Variants in TAF4B observed in about 807,000 individuals in gnomAD.
TAF4B encodes transcription initiation factor TFIID subunit 4B.
A neutral mutation model predicts 86.4 loss-of-function variants in TAF4B; 38 were observed. The observed-to-expected ratio is 0.44, with a 90% CI of 0.34 to 0.58. The LOEUF (loss-of-function observed/expected upper bound fraction) is 0.58, where lower values mean the gene tolerates loss of function less well. TAF4B is among the 20% of genes least tolerant of loss of function. The probability of loss-of-function intolerance (pLI) is 0.02; values close to 1 mark genes in which losing one functional copy is unlikely to be tolerated. For missense variants in TAF4B, 988 were observed against 1,027.6 expected (o/e 0.96, Z 0.53); for synonymous variants, 388 against 391.2 (o/e 0.99, Z 0.10).
At chr18:26,321,024 A>G (rs762518772) in intron 10 of TAF4B, 46 bp from the exon 11 acceptor site, 8 of 1,609,746 alleles carry the variant, frequency 5.0e-6, no homozygotes, top group East Asian at 2.2e-5. Context: ...TATTTCAATT[A>G]TCAGCCACTA....
intron 12 of TAF4B, among the ~76,000 whole-genome samples, chr18:26,332,669 A>G (rs1362496622): frequency 6.6e-6 from 1 of 152,062 alleles, no homozygotes; most frequent in African/African-American, 2.4e-5. Flanking sequence ...AGCTGGGATT[A>G]CAGGTGCCCG....
chr18:26,249,958 T>G (rs148694021), intron 1 of TAF4B, among the ~76,000 whole-genome samples: 1 of 152,272 alleles, frequency 6.6e-6, no homozygotes, highest in Non-Finnish European at 1.5e-5. Context: ...TCTGGCTTTA[T>G]GTGATCCACC....
At chr18:26,233,477 C>T (rs1239101185) in intron 1 of TAF4B, among the ~76,000 whole-genome samples, 2 of 152,040 alleles carry the variant, frequency 1.3e-5, no homozygotes, top group Non-Finnish European at 2.9e-5. Flanking sequence ...GCAGACAGGC[C>T]ATCTGAATGG....
intron 13 of TAF4B, among the ~76,000 whole-genome samples, chr18:26,353,003 G>T (rs2057257408): frequency 6.6e-6 from 1 of 152,104 alleles, no homozygotes; most frequent in South Asian, 2.1e-4. Flanking sequence ...ATTTACAGAA[G>T]AATTAATACC....
intron 1 of TAF4B, among the ~76,000 whole-genome samples, chr18:26,261,509 A>T (rs544960405): frequency 1.3e-5 from 2 of 152,216 alleles, no homozygotes; most frequent in Non-Finnish European, 2.9e-5. Flanking sequence ...CAGCACTGTC[A>T]TCTTTAGCAG....
chr18:26,243,096 C>T lies in TAF4B; in HGVS notation c.343+15820C>T, dbSNP rs543378348. On this transcript the variant is annotated intron_variant, in intron 1 of 14. Transcript: ENST00000269142. ...CTCTTCTCGAGGAGTATCTTTGTGG[C>T]GTTCTCTGTATTTCCTGAATTTGAA... is the stretch of plus-strand genomic sequence containing the variant. Among the ~76,000 whole-genome samples, 126 of 152,168 alleles carry T rather than the reference C, an allele frequency of 8.3e-4. 1 individual carries two copies. The South Asian group carries it at 0.012, about 14-fold the overall frequency.
At chr18:26,292,213 G>T in intron 7 of TAF4B, 33 bp from the exon 8 acceptor site, 1 of 1,600,300 alleles carries the variant, frequency 6.2e-7, no homozygotes, top group South Asian at 1.1e-5. Flanking sequence ...GCCTTAAGTT[G>T]AACAACTATA....
intron 14 of TAF4B, among the ~76,000 whole-genome samples, chr18:26,374,555 A>G (rs1374840164): frequency 6.6e-6 from 1 of 152,236 alleles, no homozygotes; most frequent in Non-Finnish European, 1.5e-5. Flanking sequence ...CAGGTCTTAG[A>G]GGGTTTTCCA....
intron 14 of TAF4B, among the ~76,000 whole-genome samples, chr18:26,378,753 T>C (rs1396935202): frequency 1.3e-5 from 2 of 152,158 alleles, no homozygotes; most frequent in South Asian, 2.1e-4. Flanking sequence ...TCTGTTACCA[T>C]AGCTTAATCT....
intron 13 of TAF4B, among the ~76,000 whole-genome samples, chr18:26,339,731 G>T (rs2057121913): frequency 6.6e-6 from 1 of 152,210 alleles, no homozygotes; most frequent in African/African-American, 2.4e-5. Context: ...TGTGTGTTAT[G>T]TGTCCTAGAT....
intron 1 of TAF4B, among the ~76,000 whole-genome samples, chr18:26,237,837 T>G (rs187847063): frequency 1.2e-4 from 19 of 152,222 alleles, no homozygotes; most frequent in East Asian, 3.9e-4. Flanking sequence ...ATAAGCTGCT[T>G]CTTTTTCAGG....
chr18:26,237,921 C>A (rs9956353), intron 1 of TAF4B, among the ~76,000 whole-genome samples: 11,231 of 152,112 alleles, frequency 0.074, 806 homozygotes, highest in African/African-American at 0.17. Context: ...TGAGCGTTTC[C>A]CATCAGAAAA....
At chr18:26,321,394 T>C (rs760359253) in intron 11 of TAF4B, among the ~76,000 whole-genome samples, 194 bp downstream of exon 11, 2 of 152,196 alleles carry the variant, frequency 1.3e-5, no homozygotes, top group Non-Finnish European at 2.9e-5. Context: ...TAAAATGATA[T>C]TAAAAGCTTC....
In TAF4B at chr18:26,257,846, T is replaced by TGC. The variant is rs2056107770; in HGVS notation, c.344-7323_344-7322insCG. Among the ~76,000 whole-genome samples, 4 of 48,230 alleles carry TGC rather than the reference T, an allele frequency of 8.3e-5. No individual in the cohort carries two copies. The East Asian group carries it at 1.1e-3, about 13-fold the overall frequency. 31.6% of individuals were successfully genotyped at this position (48,230 alleles called of 152,430 possible). Reference sequence around the variant, plus strand: ...TTTCTGGCTTTCCTCTGCGTGCGTGTGTGTGTGTGTGTGTGTGTGTGTGTG... The same window carrying TGC: ...TTTCTGGCTTTCCTCTGCGTGCGTGTGCGTGTGTGTGTGTGTGTGTGTGTGTG... On this transcript the variant is annotated intron_variant, in intron 1 of 14. Transcript: ENST00000269142.
chr18:26,286,567 A>G, intron 7 of TAF4B, 68 bp downstream of exon 7: 1 of 1,503,836 alleles, frequency 6.6e-7, no homozygotes, highest in East Asian at 2.3e-5. Context: ...AAAACTGGTA[A>G]GACTAGTAGA....
At chr18:26,364,407 A>G (rs1332066892) in intron 14 of TAF4B, among the ~76,000 whole-genome samples, 1 of 152,216 alleles carries the variant, frequency 6.6e-6, no homozygotes, top group African/African-American at 2.4e-5. Flanking sequence ...TGTAGGCCGT[A>G]CAGATATTGA....
At chr18:26,307,327 G>GTTTTCTATTC (rs2056805535) in intron 9 of TAF4B, among the ~76,000 whole-genome samples, 1 of 152,054 alleles carries the variant, frequency 6.6e-6, no homozygotes, top group Admixed American at 6.6e-5. Context: ...TATTCTGCTT[G>GTTTTCTATTC]TCAGTATAGC....
At chr18:26,296,170 A>G (rs552396540) in intron 9 of TAF4B, among the ~76,000 whole-genome samples, 35 of 150,752 alleles carry the variant, frequency 2.3e-4, no homozygotes, top group Admixed American at 1.8e-3. Flanking sequence ...GTTTGTATCT[A>G]TTTGCCGTGG....
Position 26,335,238 on chromosome 18 carries a change from CT to C in TAF4B, c.2316+10del, listed in dbSNP as rs1241028705. ...AAAGCAGAAAGCCAAAGAGGTAGGA[CT>C]TTCAAGTTACCATGCTTGTCTTTGT... On this transcript the variant is annotated splice_region_variant and intron_variant, in intron 13 of 14. Coordinates refer to ENST00000269142, the MANE Select transcript of TAF4B (RefSeq NM_005640.3). The C allele has an allele frequency of 7.4e-6, 12 of 1,611,902 alleles. No homozygotes were observed. The highest frequency in any genetic ancestry group is 9.3e-6 in the Non-Finnish European group (11 of 1,178,328).
Sources: allele counts gnomAD v4.1 joint callset (sites outside exome capture counted in the v4.1 genomes callset), GRCh38; gene constraint gnomAD v4.1.1; transcripts MANE v1.5; gene names NCBI Gene and HGNC (gene_info 2026-07-23, HGNC 2026-07-21).